Variants in VIT observed in about 807,000 individuals in gnomAD.
VIT encodes vitrin.
Under a neutral mutation model 78.0 loss-of-function variants are expected in VIT, and 99 were observed. The ratio of observed to expected loss-of-function variants is 1.27; its 90% CI spans 1.08 to 1.50. The LOEUF is 1.50. Among genes scored for constraint, VIT ranks in the 40% most tolerant of loss-of-function variants. VIT has a pLI of 0.00. For missense variants in VIT, 1,126 were observed against 875.3 expected (o/e 1.29, Z -3.61); for synonymous variants, 374 against 334.3 (o/e 1.12, Z -1.29).
At chr2:36,741,793 CACCCCACT>C (rs1667852188) in intron 3 of VIT, among the ~76,000 whole-genome samples, 1 of 152,164 alleles carries the variant, frequency 6.6e-6, no homozygotes, top group African/African-American at 2.4e-5. Flanking sequence ...CTTCTACCAA[CACCCCACT>C]CACTGCTTCC....
At position 36,808,470 on chromosome 2, in the gene VIT, A is replaced by G. The variant is rs759918511; in HGVS notation, c.1390-2A>G. ...CGTGGGTCCCTCCCCTCTGTCTTCT[A>G]GGCCGTGTGCAGAACAAACGGCTTC... On this transcript the variant is annotated splice_acceptor_variant, in intron 14 of 15. Transcript: ENST00000379242. LOFTEE classifies it high-confidence loss of function. The G allele has an allele frequency of 6.3e-7, 1 of 1,599,754 alleles. No individual in the cohort carries two copies. Among genetic ancestry groups the G allele is most frequent in the East Asian group, 2.2e-5 (1 of 44,490 alleles).
chr2:36,702,822 T>C (rs1302489731), intron 1 of VIT, among the ~76,000 whole-genome samples: 2 of 152,186 alleles, frequency 1.3e-5, no homozygotes, highest in African/African-American at 4.8e-5. Flanking sequence ...CCTACTGCGT[T>C]GGGGATTCCT....
In VIT at chr2:36,801,353, C is replaced by G; in HGVS notation, c.1111C>G (p.Leu371Val). Residue 371 changes from leucine (L) to valine (V), a missense_variant, in exon 13 of 16, where the codon CTG becomes GTG. Transcript: ENST00000379242. ...CAAGACACACACGAATTCTCGAGAT[C>G]TGAAGACAGCCATAGAGAAAATTAC... ...NLKTHTNSRD[L>V]KTAIEKITQR... 6.2e-7 allele frequency: 1 copy of G among 1,614,110 alleles called. No homozygotes were observed. The highest frequency in any genetic ancestry group is 8.5e-7 in the Non-Finnish European group (1 of 1,180,028).
intron 4 of VIT, among the ~76,000 whole-genome samples, chr2:36,743,782 C>T (rs1305831031): frequency 6.6e-6 from 1 of 152,180 alleles, no homozygotes; most frequent in Non-Finnish European, 1.5e-5. Flanking sequence ...CCACAGGTCA[C>T]TGAGACATTG....
chr2:36,728,224 T>C (rs1460102506), intron 2 of VIT, among the ~76,000 whole-genome samples: 1 of 152,148 alleles, frequency 6.6e-6, no homozygotes, highest in East Asian at 1.9e-4. Context: ...AGCCACCACG[T>C]CCAGCCTGTA....
intron 4 of VIT, among the ~76,000 whole-genome samples, chr2:36,747,299 G>C (rs556414088): frequency 1.3e-5 from 2 of 152,160 alleles, no homozygotes; most frequent in East Asian, 3.8e-4. Context: ...GTATTCTGTA[G>C]ATGTCTATTA....
At chr2:36,793,615 A>T (rs1347863972) in intron 12 of VIT, among the ~76,000 whole-genome samples, 4 of 152,212 alleles carry the variant, frequency 2.6e-5, no homozygotes, top group Non-Finnish European at 5.9e-5. Flanking sequence ...GGTCCATCTC[A>T]TTGACTAAGT....
intron 4 of VIT, among the ~76,000 whole-genome samples, chr2:36,747,484 G>C (rs977162577): frequency 6.6e-6 from 1 of 152,114 alleles, no homozygotes; most frequent in African/African-American, 2.4e-5. Flanking sequence ...CTCCAATATT[G>C]GGTCTGTATA....
At chr2:36,732,369 A>T (rs1225102475) in intron 3 of VIT, among the ~76,000 whole-genome samples, 1 of 152,224 alleles carries the variant, frequency 6.6e-6, no homozygotes, top group South Asian at 2.1e-4. Flanking sequence ...CAGTAAATGC[A>T]TGAGGTCTTT....
intron 12 of VIT, chr2:36,787,772 T>C (rs1665207059): frequency 2.2e-6 from 1 of 447,724 alleles, no homozygotes; most frequent in Admixed American, 2.5e-5. Flanking sequence ...TCTTCTCTTT[T>C]CTCCAAATAA....
chr2:36,785,496 G>A (rs1317413594), intron 11 of VIT, among the ~76,000 whole-genome samples: 1 of 152,068 alleles, frequency 6.6e-6, no homozygotes, highest in Non-Finnish European at 1.5e-5. Context: ...TTTACCCCAG[G>A]TTTTAGTGGC....
intron 8 of VIT, among the ~76,000 whole-genome samples, chr2:36,774,146 G>A (rs139186710): frequency 6.6e-6 from 1 of 152,232 alleles, no homozygotes; most frequent in African/African-American, 2.4e-5. Context: ...CACTCTCTGG[G>A]GCTTATTTTT....
In VIT at chr2:36,752,003, T is replaced by G. The variant is rs557047676; in HGVS notation, c.276-2918T>G. On this transcript the variant is annotated intron_variant, in intron 4 of 15. Transcript: ENST00000379242. Reference sequence around the variant, plus strand: ...TATTGGGGATCTATAACCATTGTCCTGCCAGAGTCCCAACAGTCAGAAGTG... The same window carrying G: ...TATTGGGGATCTATAACCATTGTCCGGCCAGAGTCCCAACAGTCAGAAGTG... Among the ~76,000 whole-genome samples the G allele has an allele frequency of 2.0e-5, 3 of 152,304 alleles. No homozygotes were observed. In the South Asian group the frequency reaches 6.2e-4, roughly 32 times the overall value.
At chr2:36,795,188 C>G (rs538235892) in intron 12 of VIT, among the ~76,000 whole-genome samples, 101 of 152,118 alleles carry the variant, frequency 6.6e-4, no homozygotes, top group South Asian at 1.9e-3. Flanking sequence ...GCAAATTTGC[C>G]TACTCCTTAA....
intron 2 of VIT, among the ~76,000 whole-genome samples, chr2:36,726,758 G>C (rs1410788370): frequency 6.9e-6 from 1 of 145,314 alleles, no homozygotes; most frequent in Non-Finnish European, 1.5e-5. Context: ...GGCGGAGTTT[G>C]CAGTGGGCCG....
At chr2:36,760,315 A>G (rs1365077208) in intron 6 of VIT, among the ~76,000 whole-genome samples, 1 of 152,084 alleles carries the variant, frequency 6.6e-6, no homozygotes, top group African/African-American at 2.4e-5. Flanking sequence ...TCTTATGCTA[A>G]TAGTACGTAT....
chr2:36,730,264 G>C (rs532863857), intron 3 of VIT, among the ~76,000 whole-genome samples: 15 of 151,570 alleles, frequency 9.9e-5, no homozygotes, highest in African/African-American at 3.4e-4. Context: ...CTCCAGCCTG[G>C]GCCACAGAGT....
chr2:36,795,158 G>A (rs956765041), intron 12 of VIT, among the ~76,000 whole-genome samples: 1 of 152,130 alleles, frequency 6.6e-6, no homozygotes, highest in African/African-American at 2.4e-5. Context: ...AAATCCTCAT[G>A]ATCTCTGGAT....
intron 14 of VIT, 106 bp from the exon 15 acceptor site, chr2:36,808,366 A>C: frequency 7.0e-7 from 1 of 1,425,714 alleles, no homozygotes; most frequent in Non-Finnish European, 9.3e-7. Flanking sequence ...AGTGCAGAAA[A>C]CAAGGGCCTG....
Sources: gnomAD v4.1 joint callset for allele counts (sites outside exome capture counted in the v4.1 genomes callset) on GRCh38, gnomAD v4.1.1 for gene constraint, MANE v1.5 for transcripts, NCBI Gene and HGNC (gene_info 2026-07-23, HGNC 2026-07-21) for gene names.